FAM107B: variants seen among roughly 807,000 people sequenced by gnomAD.
FAM107B encodes the protein protein FAM107B.
In FAM107B, 21 loss-of-function variants were observed where a neutral mutation model predicts 31.5. The ratio of observed to expected loss-of-function variants is 0.67; its 90% confidence interval spans 0.47 to 0.96. The LOEUF is 0.96. Ranked by LOEUF, FAM107B falls within the 40% of genes least tolerant of loss-of-function variation. The probability of loss-of-function intolerance (pLI) is 0.00; values close to 1 mark genes in which losing one functional copy is unlikely to be tolerated. For missense variants in FAM107B, 452 were observed against 377.1 expected (o/e 1.20, Z -1.64); for synonymous variants, 157 against 141.5 (o/e 1.11, Z -0.78).
intron 1 of FAM107B, among the ~76,000 whole-genome samples, chr10:14,735,967 A>G (rs1390902280): frequency 6.6e-6 from 1 of 152,194 alleles, no homozygotes; most frequent in Admixed American, 6.5e-5. Flanking sequence ...CCTAAGAGGA[A>G]GGTAGGGAAT....
chr10:14,689,939 C>A (rs3107794), intron 1 of FAM107B, among the ~76,000 whole-genome samples: 16,456 of 151,364 alleles, frequency 0.11, 966 homozygotes, highest in East Asian at 0.2. Context: ...ACTCCAGCCT[C>A]GGTGACAGAC....
At chr10:14,731,515 T>C (rs969105529) in intron 1 of FAM107B, among the ~76,000 whole-genome samples, 5 of 152,132 alleles carry the variant, frequency 3.3e-5, no homozygotes, top group Non-Finnish European at 5.9e-5. Flanking sequence ...TGGGCCAAGA[T>C]TGTGCCACTG....
chr10:14,705,897 A>G (rs1855506880), intron 1 of FAM107B, among the ~76,000 whole-genome samples: 1 of 152,194 alleles, frequency 6.6e-6, no homozygotes, highest in African/African-American at 2.4e-5. Flanking sequence ...CGTTAAGGCA[A>G]CAGAAGTTAC....
intron 2 of FAM107B, among the ~76,000 whole-genome samples, chr10:14,605,723 A>G (rs1192449904): frequency 6.6e-6 from 1 of 152,100 alleles, no homozygotes. Context: ...AACTTTATAC[A>G]TGGTGTTTCC....
At chr10:14,644,284 T>C (rs1405169028) in intron 2 of FAM107B, among the ~76,000 whole-genome samples, 1 of 152,352 alleles carries the variant, frequency 6.6e-6, no homozygotes, top group East Asian at 1.9e-4. Context: ...TTTACTATAT[T>C]CCATATATTA....
chr10:14,560,619 T>C (rs1850160106), intron 2 of FAM107B, among the ~76,000 whole-genome samples: 1 of 152,168 alleles, frequency 6.6e-6, no homozygotes, highest in African/African-American at 2.4e-5. Context: ...ATGGCTCACC[T>C]GCGACAGGGG....
At position 14,521,996 on chromosome 10, in the gene FAM107B, G is replaced by A. The variant is rs1433699804; in HGVS notation, c.677C>T (p.Pro226Leu). The change falls in exon 4 of 5, where the codon CCA (proline) becomes CTA (leucine). Residue 226 changes from proline to leucine, a missense_variant. Coordinates refer to ENST00000181796, the MANE Select transcript of FAM107B (RefSeq NM_031453.4). ...TTTTTCCATCACCTTCTGCAATTCT[G>A]GTTTGTTCTGAGGAGCAAGACCCCT... ...QKRGLAPQNKPELQKVMEKRK... is the reference protein window; with the variant it reads ...QKRGLAPQNKLELQKVMEKRK... The A allele has an allele frequency of 6.2e-7, 1 of 1,613,848 alleles. No homozygotes were observed. Among genetic ancestry groups the A allele is most frequent in the Non-Finnish European group, 8.5e-7 (1 of 1,179,988 alleles).
intron 2 of FAM107B, among the ~76,000 whole-genome samples, chr10:14,624,183 G>C (rs1407702231): frequency 6.6e-6 from 1 of 152,174 alleles, no homozygotes; most frequent in Non-Finnish European, 1.5e-5. Context: ...CTTTGAAAGA[G>C]ATCTATTAAC....
chr10:14,769,525 C>T lies in FAM107B; in HGVS notation c.411+4728G>A, dbSNP rs140254987. Among the ~76,000 whole-genome samples the T allele has an allele frequency of 0.013, 1,905 of 152,210 alleles. 105 individuals carry two copies. The East Asian group carries it at 0.16, about 13-fold the overall frequency. On this transcript the variant is annotated intron_variant, in intron 1 of 4. Coordinates refer to ENST00000181796, the MANE Select transcript of FAM107B (RefSeq NM_031453.4). Reference sequence around the variant, plus strand: ...TCAGTCTCCCAAGTAGCTGGGATTACGGGCGCCCGCCACCACGACCAGCTA... The same window carrying T: ...TCAGTCTCCCAAGTAGCTGGGATTATGGGCGCCCGCCACCACGACCAGCTA...
intron 1 of FAM107B, among the ~76,000 whole-genome samples, chr10:14,763,644 C>T (rs977065719): frequency 6.6e-6 from 1 of 152,152 alleles, no homozygotes; most frequent in African/African-American, 2.4e-5. Flanking sequence ...GACAGCACTT[C>T]CGGAACTCTC....
chr10:14,568,569 G>A (rs6602739), intron 2 of FAM107B, among the ~76,000 whole-genome samples: 24,892 of 94,824 alleles, frequency 0.26, 750 homozygotes, highest in Non-Finnish European at 0.33. Context: ...GTAAGAGGAG[G>A]CTGGCTGATG....
intron 2 of FAM107B, among the ~76,000 whole-genome samples, chr10:14,580,147 C>T (rs1851588049): frequency 6.6e-6 from 1 of 152,056 alleles, no homozygotes; most frequent in East Asian, 1.9e-4. Flanking sequence ...ATCATGAGGT[C>T]AGGAGATCAA....
rs375092485 is a variant in FAM107B at position 14,693,419 on chromosome 10, A to C, written c.412-25728T>G. On this transcript the variant is annotated intron_variant, in intron 1 of 4. Transcript: ENST00000181796. ...CTTGAACCCAGGAGACGGAGGTTGC[A>C]GTGAGCTGACATGGTGCCACTGCAC... Among the ~76,000 whole-genome samples, 538 of 151,656 alleles carry C rather than the reference A, an allele frequency of 3.5e-3. 7 individuals carry two copies. The highest frequency in any genetic ancestry group is 0.014 in the South Asian group (65 of 4,794).
In FAM107B at chr10:14,597,667, G is replaced by A. The variant is rs150500438; in HGVS notation, c.470-67152C>T. On this transcript the variant is annotated intron_variant, in intron 2 of 4. Coordinates refer to ENST00000181796, the MANE Select transcript of FAM107B (RefSeq NM_031453.4). ...CTGCATTACTAACACTCTGAGTTGA[G>A]GCCAGGCACGGTGGCTCACACCTGT... Among the ~76,000 whole-genome samples, 318 of 152,312 alleles carry A rather than the reference G, an allele frequency of 2.1e-3. 1 individual carries two copies. Among genetic ancestry groups the A allele is most frequent in the African/African-American group, 7.4e-3 (308 of 41,568 alleles).
intron 1 of FAM107B, among the ~76,000 whole-genome samples, chr10:14,759,847 G>A (rs942711039): frequency 6.6e-6 from 1 of 151,874 alleles, no homozygotes; most frequent in Admixed American, 6.6e-5. Context: ...GAGTGTCTGC[G>A]ACTACAGGTG....
chr10:14,552,027 T>C (rs1192168779), intron 2 of FAM107B, among the ~76,000 whole-genome samples: 1 of 152,240 alleles, frequency 6.6e-6, no homozygotes, highest in Non-Finnish European at 1.5e-5. Context: ...TGTAAAGGAT[T>C]GTGAACTATT....
chr10:14,550,900 G>A (rs2131066346), intron 2 of FAM107B, among the ~76,000 whole-genome samples: 1 of 152,276 alleles, frequency 6.6e-6, no homozygotes, highest in East Asian at 1.9e-4. Context: ...GCTGGTTATA[G>A]AGGAAATCAC....
intron 1 of FAM107B, among the ~76,000 whole-genome samples, chr10:14,717,746 A>G (rs1588727049): frequency 1.3e-5 from 1 of 74,108 alleles, no homozygotes. Flanking sequence ...TCCTCTGGCA[A>G]CCCCCTCCCA....
At chr10:14,756,850 G>A (rs1250771405) in intron 1 of FAM107B, among the ~76,000 whole-genome samples, 1 of 152,164 alleles carries the variant, frequency 6.6e-6, no homozygotes, top group Non-Finnish European at 1.5e-5. Flanking sequence ...ACGAGATCAT[G>A]TCATTTGCAG....
Sources: allele counts gnomAD v4.1 joint callset (sites outside exome capture counted in the v4.1 genomes callset), GRCh38; gene constraint gnomAD v4.1.1; transcripts MANE v1.5; gene names NCBI Gene and HGNC (gene_info 2026-07-23, HGNC 2026-07-21).